NSUN6: variants seen among roughly 807,000 people sequenced by gnomAD.
NSUN6 encodes the protein NOP2/Sun RNA methyltransferase 6, also known as tRNA (cytosine(72)-C(5))-methyltransferase NSUN6.
A neutral mutation model predicts 58.0 loss-of-function variants in NSUN6; 64 were observed. That is an observed-to-expected ratio of 1.10 (90% CI 0.90 to 1.36). The LOEUF (loss-of-function observed/expected upper bound fraction) is 1.36. Ranked by LOEUF, NSUN6 falls within the 40% of genes most tolerant of loss-of-function variation. NSUN6 has a pLI of 0.00. For synonymous variants in NSUN6, 231 were observed against 193.9 expected (o/e 1.19, Z -1.59); for missense variants, 701 against 550.1 (o/e 1.27, Z -2.74).
chr10:18,628,788 A>T lies in NSUN6; in HGVS notation c.312-12495T>A, dbSNP rs527696061. ...CCAAATCTACGTCGATTGGTGTACC[A>T]GAAAGTGACGGGGAGAATGGAATCA... On this transcript the variant is annotated intron_variant, in intron 3 of 10. Transcript: ENST00000377304. 6.6e-5 allele frequency among the ~76,000 whole-genome samples: 10 copies of T among 152,328 alleles called. No individual in the cohort carries two copies. In the South Asian group the frequency reaches 1.5e-3, roughly 22 times the overall value.
rs556761312 is a variant in NSUN6, at chr10:18,587,936, C to A, written c.778-1843G>T. On this transcript the variant is annotated intron_variant, in intron 7 of 10. Transcript: ENST00000377304. ...CCCCAGTAAGACAGAACCGTTTACT[C>A]CCCTGGAAAGGGGGCTAATGCCAGG... is the stretch of plus-strand genomic sequence containing the variant. Among the ~76,000 whole-genome samples, 81 of 152,096 alleles carry A rather than the reference C, an allele frequency of 5.3e-4. 1 individual carries two copies. The South Asian group carries it at 0.016, about 30-fold the overall frequency.
Position 18,642,502 on chromosome 10 carries a change from C to G in NSUN6, c.285G>C (p.Val95=). The G allele has an allele frequency of 6.5e-7, 1 of 1,548,806 alleles. No homozygotes were observed. The highest frequency in any genetic ancestry group is 1.7e-4 in the Middle Eastern group (1 of 5,834). ...PILQHPDLQD[V]LLIPVIGPRK... ...TGGGTCCAATAACAGGAATAAGTAA[C>G]ACATCTTGAAGGTCTGGATGTTGAA... is the stretch of plus-strand genomic sequence containing the variant. The change falls in exon 3 of 11, where the codon GTG becomes GTC. Residue 95 remains valine (V), a synonymous_variant. Transcript: ENST00000377304.
intron 8 of NSUN6, among the ~76,000 whole-genome samples, chr10:18,558,153 AAGAATGGAATGG>A (rs1297037039): frequency 6.7e-6 from 1 of 149,520 alleles, no homozygotes; most frequent in Non-Finnish European, 1.5e-5. Flanking sequence ...GAATGGAATG[AAGAATGGAATGG>A]AGAATGGAAT....
At chr10:18,634,013 T>G (rs1284819744) in intron 3 of NSUN6, among the ~76,000 whole-genome samples, 2 of 152,236 alleles carry the variant, frequency 1.3e-5, no homozygotes, top group African/African-American at 4.8e-5. Context: ...GGTATGCTCT[T>G]TCGCCCATTC....
chr10:18,622,870 A>G (rs2058661055), intron 3 of NSUN6, among the ~76,000 whole-genome samples: 1 of 152,230 alleles, frequency 6.6e-6, no homozygotes, highest in African/African-American at 2.4e-5. Context: ...ACTTATCAAA[A>G]AGGGAGGAGC....
In NSUN6 at chr10:18,609,861, C is replaced by T. The variant is rs559235277; in HGVS notation, c.641G>A (p.Arg214His). ...CATACTTACTTGTAAAAATAAGTAA[C>T]GGGGCAGTACACTGTCAAATGAAGG... ...LSPSFDSVLPRYLFLQNLPSA... is the reference protein window; with the variant it reads ...LSPSFDSVLPHYLFLQNLPSA... The change falls in exon 6 of 11, where the codon CGT becomes CAT. Residue 214 changes from arginine (R) to histidine (H), a missense_variant. Arg to His is a conservative substitution (Grantham distance 29, BLOSUM62 0). Coordinates refer to ENST00000377304, the MANE Select transcript of NSUN6 (RefSeq NM_182543.5). 2.1e-5 allele frequency: 33 copies of T among 1,576,252 alleles called. No individual in the cohort carries two copies. Among genetic ancestry groups the T allele is most frequent in the South Asian group, 7.8e-5 (7 of 89,966 alleles).
At chr10:18,640,690 T>A (rs920243125) in intron 3 of NSUN6, among the ~76,000 whole-genome samples, 2 of 152,174 alleles carry the variant, frequency 1.3e-5, no homozygotes, top group African/African-American at 4.8e-5. Flanking sequence ...TGCACAGTTG[T>A]ACATATTTGT....
At chr10:18,560,783 G>C (rs116999509) in intron 8 of NSUN6, among the ~76,000 whole-genome samples, 1 of 150,432 alleles carries the variant, frequency 6.6e-6, no homozygotes. Flanking sequence ...ATGGAATAGA[G>C]AATGGAATGG....
chr10:18,589,844 C>G (rs534637644), intron 7 of NSUN6, among the ~76,000 whole-genome samples: 35 of 152,292 alleles, frequency 2.3e-4, no homozygotes, highest in African/African-American at 8.4e-4. Flanking sequence ...GAAGAAACTG[C>G]ATCAACTAAC....
chr10:18,608,492 C>G (rs1428479500), intron 6 of NSUN6, among the ~76,000 whole-genome samples: 3 of 152,010 alleles, frequency 2.0e-5, no homozygotes, highest in African/African-American at 4.8e-5. Flanking sequence ...AAAAAATTAG[C>G]AGGGTGCGGT....
chr10:18,545,922 C>G lies in NSUN6; in HGVS notation c.*11G>C. 7.2e-7 allele frequency: 1 copy of G among 1,385,332 alleles called. No homozygotes were observed. The allele number at this position is 1,385,332 out of a possible 1,614,324, so 85.8% of individuals were successfully genotyped here. A position where few individuals can be genotyped will look rare whatever the true frequency, so the allele number is the denominator to read the frequency against. ...GTTTGGAATTTTCATTTCTGAGCAT[C>G]CATCCCTCTCCTATGTGCTTTTGCA... On this transcript the variant is annotated 3_prime_UTR_variant, in exon 11 of 11. Coordinates refer to ENST00000377304, the MANE Select transcript of NSUN6 (RefSeq NM_182543.5).
intron 3 of NSUN6, among the ~76,000 whole-genome samples, chr10:18,616,997 T>C (rs1266130143): frequency 6.6e-6 from 1 of 152,050 alleles, no homozygotes; most frequent in Non-Finnish European, 1.5e-5. Context: ...TTCAGCTTTA[T>C]ACCCACTCTT....
chr10:18,586,060 T>C lies in NSUN6; in HGVS notation c.811A>G (p.Lys271Glu), dbSNP rs2057122834. The change falls in exon 8 of 11, where the codon AAA (lysine) becomes GAA (glutamate). Residue 271 changes from lysine (K) to glutamate (E), a missense_variant. Lys to Glu is a moderately conservative substitution (Grantham distance 56). Transcript: ENST00000377304. ...EVIALDKIFNKVEKIKQNALL... is the reference protein window; with the variant it reads ...EVIALDKIFNEVEKIKQNALL... ...GCATTCTGTTTGATTTTTTCTACTT[T>C]GTTGAAGATTTTATCCAGTGCTATA... 3.1e-6 allele frequency: 5 copies of C among 1,608,784 alleles called. No individual in the cohort carries two copies. The highest frequency in any genetic ancestry group is 4.2e-6 in the Non-Finnish European group (5 of 1,177,746).
chr10:18,614,132 C>T, intron 5 of NSUN6, among the ~76,000 whole-genome samples: 1 of 151,680 alleles, frequency 6.6e-6, no homozygotes, highest in East Asian at 1.9e-4. Flanking sequence ...TAAAAATGAT[C>T]TGGATAGATC....
chr10:18,600,802 C>T (rs1370453891), intron 6 of NSUN6, among the ~76,000 whole-genome samples: 2 of 150,518 alleles, frequency 1.3e-5, no homozygotes, highest in African/African-American at 2.4e-5. Flanking sequence ...GTGGCACACA[C>T]CTGTAAGCAC....
At chr10:18,634,532 A>G (rs1384167316) in intron 3 of NSUN6, among the ~76,000 whole-genome samples, 3 of 151,956 alleles carry the variant, frequency 2.0e-5, no homozygotes, top group African/African-American at 7.2e-5. Flanking sequence ...AGGGTGGATC[A>G]CAAAGTCAGG....
rs1231532616 is a variant in NSUN6, at chr10:18,567,346, C to T, written c.923-15375G>A. Among the ~76,000 whole-genome samples the T allele has an allele frequency of 2.0e-5, 3 of 149,576 alleles. No individual in the cohort carries two copies. In the East Asian group the frequency reaches 5.9e-4, roughly 29 times the overall value. On this transcript the variant is annotated intron_variant, in intron 8 of 10. Transcript: ENST00000377304. ...CCAATGCATTCCATTCCATTCCATT[C>T]TATTCTCCATTCCATTCCATATTCC...
chr10:18,636,959 T>C (rs995208684), intron 3 of NSUN6, among the ~76,000 whole-genome samples: 5 of 105,778 alleles, frequency 4.7e-5, no homozygotes, highest in African/African-American at 1.8e-4. Context: ...AAAAAAGGAA[T>C]TGACTTTTTT....
At chr10:18,623,627 G>A (rs1055556202) in intron 3 of NSUN6, among the ~76,000 whole-genome samples, 3 of 152,250 alleles carry the variant, frequency 2.0e-5, no homozygotes, top group East Asian at 1.9e-4. Flanking sequence ...AAGAAGAAAT[G>A]GATTGTCAGA....
Sources: allele counts gnomAD v4.1 joint callset (sites outside exome capture counted in the v4.1 genomes callset), GRCh38; gene constraint gnomAD v4.1.1; transcripts MANE v1.5; gene names NCBI Gene and HGNC (gene_info 2026-07-23, HGNC 2026-07-21).